The following VAV3 variants were observed in gnomAD, a reference collection of about 807,000 sequenced individuals.
The protein encoded by VAV3 is guanine nucleotide exchange factor VAV3.
In VAV3, 94 loss-of-function variants were observed where a neutral mutation model predicts 131.2. That is an observed-to-expected ratio of 0.72 (90% CI 0.61 to 0.85). The LOEUF is 0.85. Ranked by LOEUF, VAV3 falls within the 40% of genes least tolerant of loss-of-function variation. The pLI is 0.00. For synonymous variants in VAV3, 349 were observed against 342.0 expected (o/e 1.02, Z -0.22); for missense variants, 939 against 1,002.7 (o/e 0.94, Z 0.86).
intron 1 of VAV3, among the ~76,000 whole-genome samples, chr1:107,895,798 T>C (rs747946196): frequency 2.0e-4 from 30 of 152,228 alleles, no homozygotes; most frequent in Non-Finnish European, 3.5e-4. Flanking sequence ...TTATAAATTT[T>C]GCATATTTTT....
chr1:107,917,281 C>G (rs1038883192), intron 1 of VAV3, among the ~76,000 whole-genome samples: 22 of 152,126 alleles, frequency 1.4e-4, no homozygotes, highest in African/African-American at 5.3e-4. Flanking sequence ...TCATGACACA[C>G]TGGAAATTAC....
intron 1 of VAV3, among the ~76,000 whole-genome samples, chr1:107,898,988 C>T (rs536969543): frequency 6.6e-5 from 10 of 152,230 alleles, no homozygotes; most frequent in Admixed American, 4.6e-4. Flanking sequence ...GAACTAGATG[C>T]AATGCCTTCT....
chr1:107,934,222 T>C (rs917523389), intron 1 of VAV3, among the ~76,000 whole-genome samples: 2 of 152,208 alleles, frequency 1.3e-5, no homozygotes, highest in African/African-American at 2.4e-5. Flanking sequence ...TTCTGTGAAA[T>C]GGCTAGATGA....
intron 2 of VAV3, among the ~76,000 whole-genome samples, chr1:107,790,932 C>T (rs903824341): frequency 8.5e-5 from 13 of 152,074 alleles, no homozygotes; most frequent in Non-Finnish European, 8.8e-5. Context: ...ATGATCTGCC[C>T]GCCTCGGACT....
At chr1:107,826,735 G>C (rs1398984024) in intron 2 of VAV3, among the ~76,000 whole-genome samples, 2 of 152,120 alleles carry the variant, frequency 1.3e-5, no homozygotes, top group Non-Finnish European at 2.9e-5. Context: ...CTGTTACAGA[G>C]GCTACGAAGG....
At chr1:107,958,018 C>T (rs76762654) in intron 1 of VAV3, among the ~76,000 whole-genome samples, 8,768 of 152,186 alleles carry the variant, frequency 0.058, 341 homozygotes, top group African/African-American at 0.11. Flanking sequence ...CCACCAATCA[C>T]GCAGACAGAA....
At chr1:107,663,887 G>A (rs1169300161) in intron 19 of VAV3, among the ~76,000 whole-genome samples, 1 of 152,080 alleles carries the variant, frequency 6.6e-6, no homozygotes, top group Non-Finnish European at 1.5e-5. Context: ...TATAAGACAT[G>A]TCTGTGTTCT....
chr1:107,850,126 T>G (rs1037858974), intron 2 of VAV3, among the ~76,000 whole-genome samples: 7 of 151,948 alleles, frequency 4.6e-5, no homozygotes, highest in Admixed American at 4.6e-4. Flanking sequence ...TTGGTGGGAG[T>G]GTAAATTAGG....
intron 19 of VAV3, among the ~76,000 whole-genome samples, chr1:107,680,227 C>CAA (rs562511648): frequency 4.8e-5 from 7 of 146,258 alleles, no homozygotes; most frequent in East Asian, 4.0e-4. Flanking sequence ...ATAATTTCAC[C>CAA]AAAAAAAAAA....
At chr1:107,675,485 C>T (rs1210135257) in intron 19 of VAV3, among the ~76,000 whole-genome samples, 3 of 152,086 alleles carry the variant, frequency 2.0e-5, no homozygotes, top group East Asian at 1.9e-4. Flanking sequence ...ACAGGGCTAC[C>T]GTTGGAGATT....
chr1:107,929,748 G>C (rs1265786747), intron 1 of VAV3, among the ~76,000 whole-genome samples: 1 of 152,174 alleles, frequency 6.6e-6, no homozygotes, highest in Non-Finnish European at 1.5e-5. Context: ...TGTGCAAACA[G>C]TTTTGTTATC....
Position 107,584,249 on chromosome 1 carries a change from G to T in VAV3, c.2351-10051C>A, listed in dbSNP as rs140679958. 7.9e-3 allele frequency among the ~76,000 whole-genome samples: 1,205 copies of T among 152,142 alleles called. 7 individuals are homozygous for T. Among genetic ancestry groups the T allele is most frequent in the East Asian group, 0.025 (127 of 5,168 alleles). On this transcript the variant is annotated intron_variant, in intron 25 of 26. Transcript: ENST00000370056. ...GATCCCTTCCTTACACCTTATACAA[G>T]AATCAATTCAAGATGGATTAAAGAC...
chr1:107,801,351 C>T (rs1666819035), intron 2 of VAV3, among the ~76,000 whole-genome samples: 1 of 152,110 alleles, frequency 6.6e-6, no homozygotes, highest in Non-Finnish European at 1.5e-5. Flanking sequence ...TGAAGAATAT[C>T]ACTGATATTT....
chr1:107,783,419 G>A (rs1260263879), intron 2 of VAV3, among the ~76,000 whole-genome samples: 2 of 152,196 alleles, frequency 1.3e-5, no homozygotes, highest in East Asian at 1.9e-4. Context: ...GTGGAAATGG[G>A]AGGAGTGTTC....
rs35693360 is a variant in VAV3 at position 107,891,838 on chromosome 1, C to CAAA, written c.205-16824_205-16822dup. Reference sequence around the variant, plus strand: ...TGGGGGACACAGCAAGACTCCGTCTCAAAAAAAAAAAAAAAAAAAAAAAAA... The same window carrying CAAA: ...TGGGGGACACAGCAAGACTCCGTCTCAAAAAAAAAAAAAAAAAAAAAAAAAAAA... On this transcript the variant is annotated intron_variant, in intron 1 of 26. Coordinates refer to ENST00000370056, the MANE Select transcript of VAV3 (RefSeq NM_006113.5). Among the ~76,000 whole-genome samples, 64 of 27,900 alleles carry CAAA rather than the reference C, an allele frequency of 2.3e-3. 2 individuals are homozygous for CAAA. The highest frequency in any genetic ancestry group is 5.8e-3 in the East Asian group (5 of 856). 18.3% of individuals were successfully genotyped at this position (27,900 alleles called of 152,430 possible).
chr1:107,922,379 GAA>G (rs1672940518), intron 1 of VAV3, among the ~76,000 whole-genome samples: 1 of 152,028 alleles, frequency 6.6e-6, no homozygotes, highest in Non-Finnish European at 1.5e-5. Context: ...GTTAAAAACT[GAA>G]AGTCTATTAT....
chr1:107,963,865 T>C (rs1675270354), intron 1 of VAV3, among the ~76,000 whole-genome samples: 1 of 152,242 alleles, frequency 6.6e-6, no homozygotes, highest in African/African-American at 2.4e-5. Context: ...CTGTGACTTT[T>C]GAGCTGACTC....
intron 2 of VAV3, among the ~76,000 whole-genome samples, chr1:107,851,363 A>T (rs1292060074): frequency 3.3e-5 from 5 of 150,116 alleles, no homozygotes; most frequent in African/African-American, 1.2e-4. Flanking sequence ...TTGGCTGCTA[A>T]CACCCAGCAT....
intron 19 of VAV3, among the ~76,000 whole-genome samples, chr1:107,673,339 T>G (rs1407297599): frequency 6.6e-6 from 1 of 152,130 alleles, no homozygotes; most frequent in Non-Finnish European, 1.5e-5. Flanking sequence ...TGCCTTGGTT[T>G]TCCTTCCATT....
Sources: allele counts gnomAD v4.1 joint callset (sites outside exome capture counted in the v4.1 genomes callset), GRCh38; gene constraint gnomAD v4.1.1; transcripts MANE v1.5; gene names NCBI Gene and HGNC (gene_info 2026-07-23, HGNC 2026-07-21).